Variants in DNAH5 observed in about 807,000 individuals in gnomAD.
DNAH5 encodes the protein axonemal beta dynein heavy chain 5.
DNAH5 carries 372 observed loss-of-function variants against 518.2 expected under a neutral mutation model. The observed-to-expected ratio is 0.72, with a 90% CI of 0.66 to 0.78. DNAH5 has a LOEUF of 0.78. DNAH5 is among the 30% of genes least tolerant of loss of function. DNAH5 has a pLI of 0.00. For synonymous variants in DNAH5, 2,039 were observed against 2,025.9 expected, an observed-to-expected ratio of 1.01 and a Z score of -0.17; for missense variants, 5,523 against 5,687.0, an observed-to-expected ratio of 0.97 and a Z score of 0.93.
intron 39 of DNAH5, 105 bp downstream of exon 39, chr5:13,824,094 G>T (rs2151823218): frequency 8.5e-7 from 1 of 1,170,364 alleles, no homozygotes; most frequent in Non-Finnish European, 1.3e-6. Context: ...TGACAATTAG[G>T]CATTTTAAAT....
chr5:13,969,226 C>T (rs1279755287), intron 1 of DNAH5, among the ~76,000 whole-genome samples: 2 of 152,072 alleles, frequency 1.3e-5, no homozygotes, highest in African/African-American at 4.8e-5. Context: ...TAATTAATCT[C>T]ACTAATGGTT....
chr5:13,898,535 T>C, intron 15 of DNAH5: 1 of 398,600 alleles, frequency 2.5e-6, no homozygotes, highest in Non-Finnish European at 4.4e-6. Flanking sequence ...GGGAAGACGA[T>C]GGACTACAAG....
Position 13,841,073 on chromosome 5 carries a change from T to C in DNAH5, c.5542A>G (p.Asn1848Asp), listed in dbSNP as rs1190427741. ...ATGATTTTTTTATCAAACTTGGCAT[T>C]TCTAAGGGCTTCTTCTGAATCCCGT... ...WTRDSEEALR[N>D]AKFDKKIMQK... The change falls in exon 34 of 79, where the codon AAT (asparagine) becomes GAT (aspartate). Residue 1848 changes from asparagine to aspartate, a missense_variant. Around this residue, in one of 3 missense-constraint regions of DNAH5, gnomAD observed 5,121 missense variants for 5,223.3 expected, o/e 0.98. Transcript: ENST00000265104. 6.2e-7 allele frequency: 1 copy of C among 1,614,040 alleles called. No homozygotes were observed. The highest frequency in any genetic ancestry group is 8.5e-7 in the Non-Finnish European group (1 of 1,180,022).
intron 61 of DNAH5, among the ~76,000 whole-genome samples, chr5:13,758,071 C>T (rs547213317): frequency 6.7e-6 from 1 of 148,224 alleles, no homozygotes; most frequent in South Asian, 2.1e-4. Context: ...AGAGAGACCA[C>T]TTTGTAAAAA....
intron 3 of DNAH5, among the ~76,000 whole-genome samples, chr5:13,927,264 TG>T (rs1006896041): frequency 2.6e-5 from 4 of 152,122 alleles, no homozygotes; most frequent in South Asian, 2.1e-4. Context: ...GAGGCCGAGG[TG>T]GGTGGATCAC....
intron 30 of DNAH5, among the ~76,000 whole-genome samples, chr5:13,859,024 T>C (rs1040303862): frequency 6.6e-6 from 1 of 152,176 alleles, no homozygotes; most frequent in African/African-American, 2.4e-5. Context: ...TTTCCACCCC[T>C]CAATTTTACT....
chr5:13,810,448 A>G (rs956714792), intron 44 of DNAH5, 188 bp from the exon 45 acceptor site: 1 of 659,218 alleles, frequency 1.5e-6, no homozygotes, highest in Non-Finnish European at 2.7e-6. Context: ...GCCTTTAAAC[A>G]TAATAGGGTT....
Position 13,900,370 on chromosome 5 carries a change from T to C in DNAH5, c.2095A>G (p.Lys699Glu), listed in dbSNP as rs761631182. 1.1e-5 allele frequency: 17 copies of C among 1,614,076 alleles called. No homozygotes were observed. Among genetic ancestry groups the C allele is most frequent in the Non-Finnish European group, 1.4e-5 (17 of 1,180,028 alleles). The change falls in exon 15 of 79, where the codon AAG (lysine) becomes GAG (glutamate). Residue 699 changes from lysine (K) to glutamate (E), a missense_variant. Lys to Glu is a moderately conservative substitution (Grantham distance 56, BLOSUM62 1). This residue lies in a region of DNAH5 where 5,121 missense variants were observed against 5,223.3 expected (regional missense o/e 0.98). Coordinates refer to ENST00000265104, the MANE Select transcript of DNAH5 (RefSeq NM_001369.3). ...HVGLEASLLV[K>E]APGTGELFVN... ...AACAATTCCCCTGTGCCTGGAGCCT[T>C]CACCAATAATGAAGCCTCAAGACCT...
intron 58 of DNAH5, among the ~76,000 whole-genome samples, chr5:13,767,281 T>C (rs1752631475): frequency 1.3e-5 from 2 of 152,128 alleles, no homozygotes; most frequent in African/African-American, 2.4e-5. Flanking sequence ...CACACCACCA[T>C]GCCGGGCTAA....
intron 61 of DNAH5, 142 bp from the exon 62 acceptor site, chr5:13,754,480 T>C (rs1263432253): frequency 1.1e-6 from 1 of 949,924 alleles, no homozygotes; most frequent in African/African-American, 1.6e-5. Flanking sequence ...TGAGATTCTA[T>C]TTCCATGTGT....
At chr5:13,985,325 GTAAAT>G (rs1561045278) in intron 1 of DNAH5, among the ~76,000 whole-genome samples, 2 of 151,414 alleles carry the variant, frequency 1.3e-5, no homozygotes, top group African/African-American at 2.4e-5. Context: ...TATACCTAAT[GTAAAT>G]GACGAGTTAA....
rs1274458874 is a variant in DNAH5 at position 13,701,453 on chromosome 5, A to G, written c.13339-17T>C. The G allele has an allele frequency of 6.2e-7, 1 of 1,601,560 alleles. No individual in the cohort carries two copies. ...CCAAGAAGCCTGCAATGAAGACATT[A>G]AAACAATTAATTGATGTAAGTTTAA... is the stretch of plus-strand genomic sequence containing the variant. On this transcript the variant is annotated splice_polypyrimidine_tract_variant and intron_variant, in intron 76 of 78. Transcript: ENST00000265104.
intron 70 of DNAH5, among the ~76,000 whole-genome samples, chr5:13,723,403 A>G (rs1745309340): frequency 6.6e-6 from 1 of 152,228 alleles, no homozygotes; most frequent in South Asian, 2.1e-4. Flanking sequence ...CTGCATCTCT[A>G]TAGTGCAACT....
intron 66 of DNAH5, among the ~76,000 whole-genome samples, chr5:13,736,489 G>T (rs887600297): frequency 3.9e-5 from 6 of 152,062 alleles, no homozygotes; most frequent in Admixed American, 3.9e-4. Flanking sequence ...CCGCCTCCTG[G>T]GTTTAAGAGA....
intron 30 of DNAH5, among the ~76,000 whole-genome samples, chr5:13,855,056 C>A (rs1448563514): frequency 6.6e-6 from 1 of 152,050 alleles, no homozygotes; most frequent in East Asian, 1.9e-4. Flanking sequence ...AATTTAATTA[C>A]ATTTAACTTA....
At chr5:13,851,409 G>A (rs1580582719) in intron 30 of DNAH5, among the ~76,000 whole-genome samples, 3 of 152,146 alleles carry the variant, frequency 2.0e-5, no homozygotes, top group Admixed American at 6.5e-5. Context: ...CTGGGCTCAA[G>A]TGATTCTCCT....
chr5:13,698,628 G>C (rs1741680899), intron 78 of DNAH5, among the ~76,000 whole-genome samples: 1 of 152,152 alleles, frequency 6.6e-6, no homozygotes, highest in African/African-American at 2.4e-5. Context: ...TTCTCCATAA[G>C]GCACAGCCTT....
intron 1 of DNAH5, among the ~76,000 whole-genome samples, chr5:13,987,142 C>T (rs1267957164): frequency 6.6e-6 from 1 of 152,124 alleles, no homozygotes; most frequent in Non-Finnish European, 1.5e-5. Flanking sequence ...AACCTGCCCT[C>T]ATATTGATTC....
chr5:13,719,182 T>C, intron 71 of DNAH5, 81 bp from the exon 72 acceptor site: 1 of 1,124,422 alleles, frequency 8.9e-7, no homozygotes, highest in East Asian at 2.6e-5. Flanking sequence ...AGAAATTAAG[T>C]AATTAAAATT....
Sources: gnomAD v4.1 joint callset for allele counts (sites outside exome capture counted in the v4.1 genomes callset) on GRCh38, gnomAD v4.1.1 for gene constraint, gnomAD v4.1.1 regional missense constraint, MANE v1.5 for transcripts, NCBI Gene and HGNC (gene_info 2026-07-23, HGNC 2026-07-21) for gene names.